The following MRTFA variants were observed in gnomAD, a reference collection of about 807,000 sequenced individuals.
The protein encoded by MRTFA is myocardin related transcription factor A, also known as myocardin-related transcription factor A.
MRTFA carries 20 observed loss-of-function variants against 83.5 expected under a neutral mutation model. The ratio of observed to expected loss-of-function variants is 0.24; its 90% confidence interval spans 0.17 to 0.35. MRTFA has a LOEUF of 0.35. Among genes scored for constraint, MRTFA ranks in the 10% least tolerant of loss-of-function variants. The pLI is 1.00. For synonymous variants in MRTFA, 659 were observed against 541.2 expected (o/e 1.22, Z -3.02); for missense variants, 1,200 against 1,224.7 (o/e 0.98, Z 0.30).
chr22:40,552,163 G>C lies in MRTFA; in HGVS notation c.184C>G (p.Leu62Val), dbSNP rs1258247645. 5.0e-6 allele frequency: 2 copies of C among 398,914 alleles called. No homozygotes were observed. Among genetic ancestry groups the C allele is most frequent in the Non-Finnish European group, 8.8e-6 (2 of 226,094 alleles). The allele number at this position is 398,914 out of a possible 1,614,324, so 24.7% of individuals were successfully genotyped here. ...GGATTCCTGCCAGGGTGGAGGCCTAGGGTCAGCTCGGGCTGCAAGGAGAGC... is the reference window on the plus strand; with the variant it reads ...GGATTCCTGCCAGGGTGGAGGCCTACGGTCAGCTCGGGCTGCAAGGAGAGC... The change falls in exon 3 of 15, where the codon CTA becomes GTA. Residue 62 changes from leucine to valine, a missense_variant. Coordinates refer to ENST00000355630, the MANE Select transcript of MRTFA (RefSeq NM_020831.6).
intron 3 of MRTFA, among the ~76,000 whole-genome samples, chr22:40,467,561 A>G (rs1569281989): frequency 6.6e-6 from 1 of 152,168 alleles, no homozygotes; most frequent in Non-Finnish European, 1.5e-5. Context: ...CCACAGAGCC[A>G]TATGTTCTGT....
chr22:40,477,829 G>C (rs554073485), intron 3 of MRTFA, among the ~76,000 whole-genome samples: 1 of 151,744 alleles, frequency 6.6e-6, no homozygotes, highest in Non-Finnish European at 1.5e-5. Context: ...AGGAGGGAAA[G>C]GAATGAAAAA....
At chr22:40,573,222 GA>G (rs1333149628) in intron 2 of MRTFA, among the ~76,000 whole-genome samples, 1 of 152,042 alleles carries the variant, frequency 6.6e-6, no homozygotes, top group Non-Finnish European at 1.5e-5. Context: ...GAAAATACTG[GA>G]AACCACTGAA....
At chr22:40,622,998 A>C (rs117883756) in intron 1 of MRTFA, among the ~76,000 whole-genome samples, 1 of 152,248 alleles carries the variant, frequency 6.6e-6, no homozygotes, top group African/African-American at 2.4e-5. Context: ...GATGACTCCA[A>C]GATTCTTTCC....
At chr22:40,555,314 G>C (rs891918640) in intron 2 of MRTFA, among the ~76,000 whole-genome samples, 1 of 152,204 alleles carries the variant, frequency 6.6e-6, no homozygotes, top group African/African-American at 2.4e-5. Flanking sequence ...CCCAGTGTTG[G>C]AGGCAGGGCC....
At chr22:40,536,120 A>G (rs370432962) in intron 3 of MRTFA, among the ~76,000 whole-genome samples, 1 of 150,424 alleles carries the variant, frequency 6.6e-6, no homozygotes, top group African/African-American at 2.4e-5. Context: ...GCAAGACCCC[A>G]TCTCTACCAA....
At chr22:40,563,693 C>CGGTA (rs2055663106) in intron 2 of MRTFA, among the ~76,000 whole-genome samples, 1 of 152,132 alleles carries the variant, frequency 6.6e-6, no homozygotes, top group Non-Finnish European at 1.5e-5. Flanking sequence ...ATTGACTACC[C>CGGTA]ACTACATGCC....
intron 9 of MRTFA, among the ~76,000 whole-genome samples, 162 bp from the exon 10 acceptor site, chr22:40,421,262 C>T (rs144268932): frequency 1.1e-3 from 173 of 152,248 alleles, no homozygotes; most frequent in African/African-American, 4.1e-3. Flanking sequence ...CCGTGAAAAG[C>T]AGAAATGTGC....
In MRTFA at chr22:40,411,038, A is replaced by C; in HGVS notation, c.*352T>G. On this transcript the variant is annotated 3_prime_UTR_variant, in exon 15 of 15. Coordinates refer to ENST00000355630, the MANE Select transcript of MRTFA (RefSeq NM_020831.6). ...TGTCTCAGCCCTGGGTCAGAAGAGA[A>C]GCCTCCCGCCTGGCCAGGCTTCACC... 1 of 257,516 alleles carries C rather than the reference A, an allele frequency of 3.9e-6. No homozygotes were observed. The highest frequency in any genetic ancestry group is 7.4e-6 in the Non-Finnish European group (1 of 134,980). 16.0% of individuals were successfully genotyped at this position (257,516 alleles called of 1,614,324 possible). A position where few individuals can be genotyped will look rare whatever the true frequency, so the allele number is the denominator to read the frequency against.
Position 40,418,971 on chromosome 22 carries a change from C to T in MRTFA, c.1767G>A (p.Leu589=), listed in dbSNP as rs2052760149. Residue 589 remains leucine (L), a synonymous_variant, in exon 12 of 15, where the codon CTG becomes CTA. Transcript: ENST00000355630. ...CGAGGATCTGCAGTGGCGAGGCCTG[C>T]AGGGTCAGCTGCGTCAGAGGTGATG... is the stretch of plus-strand genomic sequence containing the variant. The T allele has an allele frequency of 6.2e-7, 1 of 1,612,874 alleles. No individual in the cohort carries two copies. Among genetic ancestry groups the T allele is most frequent in the Non-Finnish European group, 8.5e-7 (1 of 1,179,932 alleles).
At chr22:40,510,826 A>C (rs905401972) in intron 3 of MRTFA, among the ~76,000 whole-genome samples, 1 of 152,142 alleles carries the variant, frequency 6.6e-6, no homozygotes, top group East Asian at 1.9e-4. Context: ...CAGCCCTTGA[A>C]GTGAGGCCAG....
intron 2 of MRTFA, among the ~76,000 whole-genome samples, chr22:40,571,768 A>C (rs2055796956): frequency 6.6e-6 from 1 of 151,640 alleles, no homozygotes; most frequent in South Asian, 2.1e-4. Flanking sequence ...AAGACCAAAA[A>C]AAAAAAGCAG....
intron 3 of MRTFA, among the ~76,000 whole-genome samples, chr22:40,505,744 C>T (rs2054569753): frequency 6.6e-6 from 1 of 152,142 alleles, no homozygotes; most frequent in African/African-American, 2.4e-5. Flanking sequence ...GTTCTTCTTC[C>T]CCTGCAGAGG....
intron 11 of MRTFA, 124 bp downstream of exon 11, chr22:40,420,281 G>A (rs2052800807): frequency 4.3e-6 from 5 of 1,155,308 alleles, no homozygotes; most frequent in Non-Finnish European, 6.1e-6. Context: ...CTAAAGCCCT[G>A]CTCTGCTTTC....
At chr22:40,603,314 T>C (rs760528799) in intron 1 of MRTFA, among the ~76,000 whole-genome samples, 5 of 152,180 alleles carry the variant, frequency 3.3e-5, no homozygotes, top group Non-Finnish European at 7.3e-5. Context: ...TTCATTTTCA[T>C]TTTCCAGACA....
In MRTFA at chr22:40,461,628, CAAA is replaced by C. The variant is rs71199287; in HGVS notation, c.307+1590_307+1592del. On this transcript the variant is annotated intron_variant, in intron 4 of 14. Transcript: ENST00000355630. ...TGAAACCCCGTCTCTACTAAAAATA[CAAA>C]AAAAAAAAAAAAAAAAAATTAGCCA... Among the ~76,000 whole-genome samples the C allele has an allele frequency of 9.5e-3, 953 of 100,342 alleles. 19 individuals are homozygous for C. Among genetic ancestry groups the C allele is most frequent in the Middle Eastern group, 0.087 (18 of 206 alleles). The allele number at this position is 100,342 out of a possible 152,430, so 65.8% of individuals were successfully genotyped here. A position where few individuals can be genotyped will look rare whatever the true frequency, so the allele number is the denominator to read the frequency against.
chr22:40,492,009 G>C (rs1173006473), intron 3 of MRTFA, among the ~76,000 whole-genome samples: 1 of 152,180 alleles, frequency 6.6e-6, no homozygotes, highest in African/African-American at 2.4e-5. Flanking sequence ...TGTGATAATG[G>C]GTCAGGCACA....
chr22:40,427,443 T>C (rs752659325), intron 7 of MRTFA, among the ~76,000 whole-genome samples: 3 of 152,112 alleles, frequency 2.0e-5, no homozygotes, highest in South Asian at 2.1e-4. Flanking sequence ...TGCTGCAGTG[T>C]TTCCCCTCTG....
intron 4 of MRTFA, among the ~76,000 whole-genome samples, chr22:40,445,238 A>G (rs966281745): frequency 1.3e-5 from 2 of 152,158 alleles, no homozygotes; most frequent in African/African-American, 4.8e-5. Context: ...ACTCTGACCT[A>G]GATTGACCAG....
Sources: allele counts gnomAD v4.1 joint callset (sites outside exome capture counted in the v4.1 genomes callset), GRCh38; gene constraint gnomAD v4.1.1; transcripts MANE v1.5; gene names NCBI Gene and HGNC (gene_info 2026-07-23, HGNC 2026-07-21).